COL25A1: variants seen among roughly 807,000 people sequenced by gnomAD.
The protein encoded by COL25A1 is collagen type XXV alpha 1 chain.
Under a neutral mutation model 128.4 loss-of-function variants are expected in COL25A1, and 103 were observed. The ratio of observed to expected loss-of-function variants is 0.80; its 90% CI spans 0.68 to 0.94. COL25A1 has a LOEUF of 0.94. Ranked by LOEUF, COL25A1 falls within the 40% of genes least tolerant of loss-of-function variation. The pLI, the probability that COL25A1 is intolerant of heterozygous loss-of-function variation, is 0.00. For missense variants in COL25A1, 745 were observed against 840.0 expected (o/e 0.89, Z 1.40); for synonymous variants, 279 against 277.2 (o/e 1.01, Z -0.06).
chr4:108,816,560 C>A (rs1047246538), intron 37 of COL25A1, among the ~76,000 whole-genome samples: 2 of 152,086 alleles, frequency 1.3e-5, no homozygotes, highest in Non-Finnish European at 2.9e-5. Flanking sequence ...GTTTGATATT[C>A]TCTGAATAGC....
chr4:108,855,085 T>C (rs1040580650), intron 24 of COL25A1, among the ~76,000 whole-genome samples: 12 of 152,016 alleles, frequency 7.9e-5, no homozygotes, highest in Admixed American at 7.9e-4. Context: ...ACTCTGGTCA[T>C]AGAGAAACAT....
chr4:108,969,569 G>A (rs977163605), intron 8 of COL25A1, among the ~76,000 whole-genome samples: 5 of 152,100 alleles, frequency 3.3e-5, no homozygotes, highest in Non-Finnish European at 5.9e-5. Context: ...GCTTTTGTCC[G>A]TATTTTGGTG....
intron 3 of COL25A1, among the ~76,000 whole-genome samples, chr4:109,062,335 T>C (rs117864067): frequency 0.011 from 1,713 of 152,308 alleles, 42 homozygotes; most frequent in East Asian, 0.086. Context: ...TTTTGCAACT[T>C]AACTATCATA....
intron 3 of COL25A1, among the ~76,000 whole-genome samples, chr4:109,067,577 T>C (rs942545686): frequency 1.3e-5 from 2 of 152,200 alleles, no homozygotes; most frequent in East Asian, 3.9e-4. Context: ...ATTTAGGATA[T>C]CAGGAAGCAC....
At chr4:108,941,459 A>G in intron 8 of COL25A1, 22 bp from the exon 9 acceptor site, 1 of 1,593,076 alleles carries the variant, frequency 6.3e-7, no homozygotes, top group South Asian at 1.1e-5. Context: ...GTTGAGGTCA[A>G]AGGTTGAAGT....
rs147167411 is a variant in COL25A1 at position 109,294,144 on chromosome 4, G to T, written c.367+6439C>A. On this transcript the variant is annotated intron_variant, in intron 3 of 37. Transcript: ENST00000399132. ...CATTGCAAACAGAAGTCAAAAGATA[G>T]AAGTCAGCTAGGGGTTTAACTGGGA... is the stretch of plus-strand genomic sequence containing the variant. Among the ~76,000 whole-genome samples, 781 of 152,188 alleles carry T rather than the reference G, an allele frequency of 5.1e-3. 15 individuals are homozygous for T. The highest frequency in any genetic ancestry group is 0.051 in the East Asian group (264 of 5,170).
chr4:109,300,373 C>T (rs1725395647), intron 3 of COL25A1, among the ~76,000 whole-genome samples: 1 of 152,154 alleles, frequency 6.6e-6, no homozygotes, highest in Non-Finnish European at 1.5e-5. Flanking sequence ...ATATCCTTTG[C>T]TTTCCCATAA....
intron 3 of COL25A1, among the ~76,000 whole-genome samples, chr4:109,293,861 G>A (rs1341394997): frequency 6.6e-6 from 1 of 152,014 alleles, no homozygotes; most frequent in African/African-American, 2.4e-5. Context: ...GATTCCAAAT[G>A]ATTCTGGATT....
At chr4:109,000,310 C>G (rs986918902) in intron 6 of COL25A1, among the ~76,000 whole-genome samples, 3 of 152,132 alleles carry the variant, frequency 2.0e-5, no homozygotes, top group Admixed American at 6.5e-5. Context: ...ATAATTATCT[C>G]TGCTGTACAG....
At chr4:109,077,976 G>T (rs975056694) in intron 3 of COL25A1, among the ~76,000 whole-genome samples, 5 of 152,322 alleles carry the variant, frequency 3.3e-5, no homozygotes, top group African/African-American at 1.2e-4. Flanking sequence ...ATGGAGAGAG[G>T]ATAGAAGTGG....
intron 32 of COL25A1, among the ~76,000 whole-genome samples, chr4:108,829,017 A>T (rs1297196943): frequency 2.0e-5 from 3 of 152,198 alleles, no homozygotes; most frequent in African/African-American, 7.2e-5. Context: ...AAATACGATA[A>T]AAGTTTGAAC....
At chr4:108,949,839 A>G (rs549066409) in intron 8 of COL25A1, among the ~76,000 whole-genome samples, 77 of 152,216 alleles carry the variant, frequency 5.1e-4, no homozygotes, top group Non-Finnish European at 1.0e-3. Context: ...CCAGCCCCAT[A>G]TCTTCCATAA....
intron 5 of COL25A1, among the ~76,000 whole-genome samples, chr4:109,020,380 T>C (rs2125899349): frequency 6.6e-6 from 1 of 152,254 alleles, no homozygotes; most frequent in Admixed American, 6.5e-5. Context: ...ATGGTTTTAA[T>C]GCTGAAAAGC....
intron 3 of COL25A1, among the ~76,000 whole-genome samples, chr4:109,131,745 C>T (rs529826955): frequency 4.6e-5 from 7 of 152,266 alleles, no homozygotes; most frequent in Non-Finnish European, 7.4e-5. Context: ...CCATCATAGG[C>T]GCAAGTCCTC....
intron 8 of COL25A1, among the ~76,000 whole-genome samples, chr4:108,963,101 C>T (rs1469434124): frequency 1.3e-5 from 2 of 152,164 alleles, no homozygotes; most frequent in African/African-American, 4.8e-5. Flanking sequence ...AACTGTTCTC[C>T]CTGAACATCA....
chr4:108,905,990 G>A (rs151273447), intron 13 of COL25A1, among the ~76,000 whole-genome samples: 4 of 152,158 alleles, frequency 2.6e-5, no homozygotes, highest in Non-Finnish European at 4.4e-5. Flanking sequence ...CTGTCTGTAC[G>A]GTAAGCCAGT....
chr4:109,073,889 T>C (rs1484879958), intron 3 of COL25A1, among the ~76,000 whole-genome samples: 2 of 152,226 alleles, frequency 1.3e-5, no homozygotes, highest in Non-Finnish European at 2.9e-5. Context: ...AATAACAGTT[T>C]AATAAATAGA....
chr4:109,041,768 A>C (rs1759917824), intron 5 of COL25A1, among the ~76,000 whole-genome samples: 1 of 151,896 alleles, frequency 6.6e-6, no homozygotes, highest in East Asian at 1.9e-4. Context: ...CTGACCCTCC[A>C]CTCTTTCCTT....
chr4:108,907,731 C>A (rs76063685), intron 13 of COL25A1, among the ~76,000 whole-genome samples: 9,547 of 152,260 alleles, frequency 0.063, 381 homozygotes, highest in Non-Finnish European at 0.076. Context: ...ATTGAAGCAG[C>A]TTGTGTCTAA....
Sources: allele counts gnomAD v4.1 joint callset (sites outside exome capture counted in the v4.1 genomes callset), GRCh38; gene constraint gnomAD v4.1.1; transcripts MANE v1.5; gene names NCBI Gene and HGNC (gene_info 2026-07-23, HGNC 2026-07-21).